The following MINAR1 variants were observed in gnomAD, a reference collection of about 807,000 sequenced individuals.
MINAR1 encodes the protein major intrinsically disordered Notch2-binding receptor 1.
MINAR1 carries 40 observed loss-of-function variants against 65.1 expected under a neutral mutation model. The ratio of observed to expected loss-of-function variants is 0.61; its 90% CI spans 0.48 to 0.80. MINAR1 has a LOEUF of 0.80. Among genes scored for constraint, MINAR1 ranks in the 30% least tolerant of loss-of-function variants. MINAR1 has a pLI of 0.00. For missense variants in MINAR1, 1,128 were observed against 1,148.0 expected, an observed-to-expected ratio of 0.98 and a Z score of 0.25; for synonymous variants, 482 against 449.1, an observed-to-expected ratio of 1.07 and a Z score of -0.93.
rs1371715548 is a variant in MINAR1 at position 79,446,751 on chromosome 15, TATATA to T, written c.-50-9346_-50-9342del. ...CATGCTTTCAATTCTGGAACATTCTTATATATTATCACTTTTATCATCTTTCTGCC... is the reference window on the plus strand; with the variant it reads ...CATGCTTTCAATTCTGGAACATTCTTTTATCACTTTTATCATCTTTCTGCC... On this transcript the variant is annotated intron_variant, in intron 1 of 3. Coordinates refer to ENST00000305428, the MANE Select transcript of MINAR1 (RefSeq NM_015206.3). Among the ~76,000 whole-genome samples the T allele has an allele frequency of 1.2e-4, 19 of 152,320 alleles. No individual in the cohort carries two copies. In the East Asian group the frequency reaches 3.5e-3, roughly 28 times the overall value.
rs763645392 is a variant in MINAR1 at position 79,456,442 on chromosome 15, G to A, written c.295G>A (p.Gly99Arg). Residue 99 changes from glycine to arginine, a missense_variant, in exon 2 of 4, where the codon GGG becomes AGG. Coordinates refer to ENST00000305428, the MANE Select transcript of MINAR1 (RefSeq NM_015206.3). ...ATTCAACCTGATCCAAATGAATGGC[G>A]GGGCTGCCAAGGAGAAGCTGCCCAC... The part of the protein sequence containing the change: ...TIFNLIQMNG[G>R]AAKEKLPTGR... 22 of 1,614,054 alleles carry A rather than the reference G, an allele frequency of 1.4e-5. No individual in the cohort carries two copies. The Admixed American group carries it at 1.8e-4, about 13-fold the overall frequency.
chr15:79,440,077 G>T (rs1001484840), intron 1 of MINAR1, among the ~76,000 whole-genome samples: 3 of 152,054 alleles, frequency 2.0e-5, no homozygotes, highest in Non-Finnish European at 4.4e-5. Context: ...TAGCCCCAAG[G>T]TGTGTCTAGT....
At position 79,463,655 on chromosome 15, in the gene MINAR1, G is replaced by C. The variant is rs1335280521; in HGVS notation, c.2553+334G>C. The C allele has an allele frequency of 2.8e-5, 15 of 534,690 alleles. No individual in the cohort carries two copies. In the Admixed American group the frequency reaches 3.4e-4, roughly 12 times the overall value. 33.1% of individuals were successfully genotyped at this position (534,690 alleles called of 1,614,324 possible). ...TTGCTCACAAGACCTGAGCCAAACT[G>C]TTTAATGAAATACAAGCTGATTTCT... is the stretch of plus-strand genomic sequence containing the variant. On this transcript the variant is annotated intron_variant, in intron 3 of 3. Coordinates refer to ENST00000305428, the MANE Select transcript of MINAR1 (RefSeq NM_015206.3).
rs775338460 is a variant in MINAR1 at position 79,456,484 on chromosome 15, C to A, written c.337C>A (p.Arg113Ser). The A allele has an allele frequency of 6.2e-7, 1 of 1,613,868 alleles. No homozygotes were observed. Among genetic ancestry groups the A allele is most frequent in the South Asian group, 1.1e-5 (1 of 91,092 alleles). ...GCTGCCCACGGGCCGCCAGAAGGTA[C>A]GCAAGAAGGAGGCATCCTTTGAATC... ...EKLPTGRQKV[R>S]KKEASFESCR... Residue 113 changes from arginine (R) to serine (S), a missense_variant, in exon 2 of 4, where the codon CGC (arginine) becomes AGC (serine). Arg to Ser is a moderately radical substitution (Grantham distance 110). Transcript: ENST00000305428.
rs1226319273 is a variant in MINAR1, at chr15:79,458,407, C to T, written c.2260C>T (p.Pro754Ser). The T allele has an allele frequency of 1.9e-6, 3 of 1,612,454 alleles. No homozygotes were observed. The highest frequency in any genetic ancestry group is 3.3e-5 in the Admixed American group (2 of 59,748). Residue 754 changes from proline (P) to serine (S), a missense_variant, in exon 2 of 4, where the codon CCA (proline) becomes TCA (serine). Coordinates refer to ENST00000305428, the MANE Select transcript of MINAR1 (RefSeq NM_015206.3). ...LNEEEIKDTGPGDNKDWHRKS... is the reference protein window; with the variant it reads ...LNEEEIKDTGSGDNKDWHRKS... ...TGAGGAGGAGATAAAAGACACAGGC[C>T]CAGGAGATAATAAAGACTGGCATCG...
chr15:79,448,775 G>A (rs1387304237), intron 1 of MINAR1, among the ~76,000 whole-genome samples: 2 of 152,194 alleles, frequency 1.3e-5, no homozygotes, highest in African/African-American at 4.8e-5. Context: ...TAGCAGAAGG[G>A]AAGATTAGAT....
At chr15:79,430,484 G>GA (rs767155784), upstream of MINAR1, among the ~76,000 whole-genome samples, 1 of 152,138 alleles carries the variant, frequency 6.6e-6, no homozygotes, top group East Asian at 1.9e-4. Flanking sequence ...ATCTGCCCCT[G>GA]AACTCAAAGG....
At chr15:79,461,975 C>CACCTAA (rs1336390626) in intron 2 of MINAR1, among the ~76,000 whole-genome samples, 1 of 152,244 alleles carries the variant, frequency 6.6e-6, no homozygotes, top group Non-Finnish European at 1.5e-5. Context: ...CATTGCATCA[C>CACCTAA]ACCTAAACAT....
In MINAR1 at chr15:79,472,162, A is replaced by C. The variant is rs1402765167; in HGVS notation, c.*3778A>C. The C allele has an allele frequency of 6.6e-6, 1 of 152,614 alleles. No homozygotes were observed. Among genetic ancestry groups the C allele is most frequent in the Non-Finnish European group, 1.5e-5 (1 of 68,026 alleles). 9.5% of individuals were successfully genotyped at this position (152,614 alleles called of 1,614,324 possible). On this transcript the variant is annotated 3_prime_UTR_variant, in exon 4 of 4. Transcript: ENST00000305428. ...TGCTTGATAAATGTTATGTTATATA[A>C]TACCAATAACTAAGCACATTTTTAG...
chr15:79,429,345 C>T (rs527860596), upstream of MINAR1, among the ~76,000 whole-genome samples: 23 of 152,298 alleles, frequency 1.5e-4, no homozygotes, highest in South Asian at 8.3e-4. Flanking sequence ...GGACCAAAAC[C>T]AGGTCAAGTG....
chr15:79,432,036 G>C (rs879754579), upstream of MINAR1, among the ~76,000 whole-genome samples: 8 of 152,054 alleles, frequency 5.3e-5, no homozygotes, highest in Admixed American at 5.2e-4. Flanking sequence ...CCGGGCGGGC[G>C]GCGGTGGAGA....
chr15:79,463,709 A>G (rs1202050441), intron 3 of MINAR1: 1 of 471,234 alleles, frequency 2.1e-6, no homozygotes. Flanking sequence ...TGGGATAAGC[A>G]TATTTGTGGG....
Position 79,468,301 on chromosome 15 carries a change from T to A in MINAR1, c.2668T>A (p.Cys890Ser). ...AGCCGAATTCAGACGAGCCAAGGTC[T>A]GCAAGATAGCTGCTCTGATCGCTGC... ...KEAEFRRAKVCKIAALIAAAA... is the reference protein window; with the variant it reads ...KEAEFRRAKVSKIAALIAAAA... Residue 890 changes from cysteine to serine, a missense_variant, in exon 4 of 4, where the codon TGC becomes AGC. Transcript: ENST00000305428. The A allele has an allele frequency of 6.2e-7, 1 of 1,614,174 alleles. No homozygotes were observed. Among genetic ancestry groups the A allele is most frequent in the Non-Finnish European group, 8.5e-7 (1 of 1,180,016 alleles).
At chr15:79,443,112 A>G (rs1248894305) in intron 1 of MINAR1, among the ~76,000 whole-genome samples, 1 of 152,190 alleles carries the variant, frequency 6.6e-6, no homozygotes, top group African/African-American at 2.4e-5. Context: ...GGCGGAGGAC[A>G]CCACAGGCCA....
the MINAR1 span, chr15:79,421,506 C>T: frequency 6.6e-6 from 1 of 152,234 alleles, no homozygotes; most frequent in Non-Finnish European, 1.5e-5. Flanking sequence ...GGAAGGTGTC[C>T]CTGAGGTGGG....
chr15:79,451,462 G>A (rs1471861342), intron 1 of MINAR1, among the ~76,000 whole-genome samples: 1 of 152,134 alleles, frequency 6.6e-6, no homozygotes, highest in Non-Finnish European at 1.5e-5. Flanking sequence ...GCGGGAGGAT[G>A]TGGGCAGCCG....
At chr15:79,426,655 C>T in the MINAR1 span, 1 of 152,190 alleles carries the variant, frequency 6.6e-6, no homozygotes, top group African/African-American at 2.4e-5. Context: ...CTGGGACCAG[C>T]CTTCTGAAGG....
At position 79,456,751 on chromosome 15, in the gene MINAR1, T is replaced by C. The variant is rs1172917111; in HGVS notation, c.604T>C (p.Ser202Pro). ...CAGGTTGCAGGCCCTGGCTCCGTAC[T>C]CTGTGACCAGCCCTCAGCCCTGTGA... ...LDRLQALAPY[S>P]VTSPQPCEMQ... Residue 202 changes from serine (S) to proline (P), a missense_variant, in exon 2 of 4, where the codon TCT becomes CCT. Transcript: ENST00000305428. 1 of 1,614,060 alleles carries C rather than the reference T, an allele frequency of 6.2e-7. No homozygotes were observed. The highest frequency in any genetic ancestry group is 8.5e-7 in the Non-Finnish European group (1 of 1,180,046).
chr15:79,412,056 T>G, the MINAR1 span: 3 of 139,396 alleles, frequency 2.2e-5, no homozygotes, highest in Non-Finnish European at 3.2e-5. Flanking sequence ...ACAGCTCCTG[T>G]GCTGGCAAAC....
Sources: allele counts gnomAD v4.1 joint callset (sites outside exome capture counted in the v4.1 genomes callset), GRCh38; gene constraint gnomAD v4.1.1; transcripts MANE v1.5; gene names NCBI Gene and HGNC (gene_info 2026-07-23, HGNC 2026-07-21).